Variants in CHD4 observed in about 807,000 individuals in gnomAD.
CHD4 encodes ATP-dependent chromatin remodeler CHD4.
Under a neutral mutation model 235.5 loss-of-function variants are expected in CHD4, and 35 were observed. The ratio of observed to expected loss-of-function variants is 0.15; its 90% CI spans 0.11 to 0.20. The LOEUF is 0.20. CHD4 is among the 10% of genes least tolerant of loss of function. The pLI, the probability that CHD4 is intolerant of heterozygous loss-of-function variation, is 1.00. For synonymous variants in CHD4, 900 were observed against 850.2 expected (o/e 1.06, Z -1.02); for missense variants, 1,329 against 2,432.3 (o/e 0.55, Z 9.54).
chr12:6,578,835 C>T lies in CHD4; in HGVS notation c.4981+11G>A. On this transcript the variant is annotated intron_variant, in intron 34 of 39. Coordinates refer to ENST00000544040, the MANE Select transcript of CHD4 (RefSeq NM_001273.5). ...TCTTCTGAACCACAATCAACTTCTC[C>T]AAACACCCACCTTTGTCTTCTACCA... The T allele has an allele frequency of 6.2e-7, 1 of 1,613,858 alleles. No individual in the cohort carries two copies. Among genetic ancestry groups the T allele is most frequent in the Non-Finnish European group, 8.5e-7 (1 of 1,179,724 alleles).
Position 6,577,854 on chromosome 12 carries a change from A to G in CHD4, c.5292T>C (p.Pro1764=), listed in dbSNP as rs71584868. Residue 1764 remains proline (P), a synonymous_variant, in exon 37 of 40, where the codon CCT becomes CCC. Coordinates refer to ENST00000544040, the MANE Select transcript of CHD4 (RefSeq NM_001273.5). ...NDPRYAILNE[P]FKGEMNRGNF... ...TGCCACGGTTCATTTCACCCTTGAA[A>G]GGCTCATTGAGGATGGCATAGCGTG... 11,428 of 1,614,222 alleles carry G rather than the reference A, an allele frequency of 7.1e-3. 45 individuals are homozygous for G. The highest frequency in any genetic ancestry group is 8.4e-3 in the Non-Finnish European group (9,968 of 1,180,036).
At chr12:6,574,195 A>G (rs1372261794) in intron 37 of CHD4, among the ~76,000 whole-genome samples, 8 of 152,132 alleles carry the variant, frequency 5.3e-5, no homozygotes, top group Non-Finnish European at 1.0e-4. Flanking sequence ...TAAGTTACAG[A>G]ATGATGTTTT....
Position 6,570,620 on chromosome 12 carries a change from AAG to A in CHD4, c.*54_*55del. The A allele has an allele frequency of 6.2e-7, 1 of 1,611,216 alleles. No individual in the cohort carries two copies. The highest frequency in any genetic ancestry group is 8.5e-7 in the Non-Finnish European group (1 of 1,177,410). On this transcript the variant is annotated 3_prime_UTR_variant, in exon 40 of 40. Transcript: ENST00000544040. Reference sequence around the variant, plus strand: ...AGGCCCCCAGGGGAGAAGCTGGGACAAGAGAAAGTGAGGAAGGTCACTGCTCA... The same window carrying A: ...AGGCCCCCAGGGGAGAAGCTGGGACAAGAAAGTGAGGAAGGTCACTGCTCA...
At chr12:6,604,341 A>ATTAGCCCTAAAATGTCTCTGGC (rs1948653048) in intron 2 of CHD4, among the ~76,000 whole-genome samples, 1 of 152,054 alleles carries the variant, frequency 6.6e-6, no homozygotes, top group Non-Finnish European at 1.5e-5. Flanking sequence ...AACCCCCAAA[A>ATTAGCCCTAAAATGTCTCTGGC]TTAGCCCTAA....
rs751585626 is a variant in CHD4 at position 6,602,159 on chromosome 12, C to T, written c.239G>A (p.Arg80Gln). 154 of 1,613,802 alleles carry T rather than the reference C, an allele frequency of 9.5e-5. 2 individuals are homozygous for T. In the Admixed American group the frequency reaches 1.8e-3, roughly 19 times the overall value. ...RQKKERMLLC[R>Q]QLGDSSGEGP... ...CTCCCCAGAGCTGTCCCCCAGCTGC[C>T]GGCATAAGAGCATACGCTGGAGCAG... Residue 80 changes from arginine (R) to glutamine (Q), a missense_variant, in exon 4 of 40, where the codon CGG (arginine) becomes CAG (glutamine). Coordinates refer to ENST00000544040, the MANE Select transcript of CHD4 (RefSeq NM_001273.5).
chr12:6,591,165 ACTGAGGCAGACAAGT>A (rs916000391), intron 22 of CHD4: 7 of 228,928 alleles, frequency 3.1e-5, no homozygotes, highest in South Asian at 1.6e-4. Context: ...AGTAGCGTCT[ACTGAGGCAGACAAGT>A]CTGCTAGTAA....
chr12:6,600,186 T>G, intron 9 of CHD4, 31 bp downstream of exon 9: 1 of 1,611,160 alleles, frequency 6.2e-7, no homozygotes, highest in South Asian at 1.1e-5. Flanking sequence ...TTCTCATGGG[T>G]TCCAAGGGGC....
In CHD4 at chr12:6,598,230, C is replaced by T; in HGVS notation, c.1678G>A (p.Glu560Lys). ...MSYWHCSWVS[E>K]LQLELHCQVM... Reference sequence around the variant, plus strand: ...GACTATCCTAAACTTACCTGCAGTTCAGAAACCCAGGAGCAGTGCCAGTAA... The same window carrying T: ...GACTATCCTAAACTTACCTGCAGTTTAGAAACCCAGGAGCAGTGCCAGTAA... Residue 560 changes from glutamate to lysine, a missense_variant, in exon 11 of 40, where the codon GAA becomes AAA. Physicochemically the swap from Glu to Lys is moderately conservative, Grantham distance 56 (BLOSUM62 1). This residue lies in a region of CHD4 where 8 missense variants were observed against 41.3 expected (regional missense o/e 0.19). Transcript: ENST00000544040. The T allele has an allele frequency of 6.2e-7, 1 of 1,612,436 alleles. No homozygotes were observed. The highest frequency in any genetic ancestry group is 1.1e-5 in the South Asian group (1 of 90,934).
At chr12:6,588,550 G>C (rs1046584567) in intron 22 of CHD4, 128 bp from the exon 23 acceptor site, 2 of 996,860 alleles carry the variant, frequency 2.0e-6, no homozygotes, top group Non-Finnish European at 2.9e-6. Context: ...GGCAGAGACA[G>C]GTGGATCATT....
chr12:6,595,127 T>C (rs1366165281), intron 14 of CHD4, among the ~76,000 whole-genome samples: 2 of 152,086 alleles, frequency 1.3e-5, no homozygotes, highest in Non-Finnish European at 2.9e-5. Flanking sequence ...ATACCTCCTT[T>C]TTTTTTTTCT....
At chr12:6,588,536 G>T in intron 22 of CHD4, 114 bp from the exon 23 acceptor site, 1 of 1,159,786 alleles carries the variant, frequency 8.6e-7, no homozygotes, top group African/African-American at 1.6e-5. Context: ...TCAGCACTTT[G>T]GGAGGCAGAG....
intron 15 of CHD4, among the ~76,000 whole-genome samples, chr12:6,594,204 T>C (rs1450986101): frequency 6.6e-6 from 1 of 152,160 alleles, no homozygotes; most frequent in Non-Finnish European, 1.5e-5. Context: ...CTAGAACTGA[T>C]ACTCTATGGA....
chr12:6,583,425 C>T, intron 25 of CHD4, 47 bp from the exon 26 acceptor site: 3 of 1,514,050 alleles, frequency 2.0e-6, no homozygotes, highest in Non-Finnish European at 2.7e-6. Context: ...AAGTCAGCAC[C>T]ACCAGCTACC....
intron 37 of CHD4, 189 bp from the exon 38 acceptor site, chr12:6,573,458 A>G (rs1473481663): frequency 2.5e-6 from 1 of 402,124 alleles, no homozygotes; most frequent in Non-Finnish European, 4.3e-6. Context: ...CCCTTTTTCA[A>G]TGTCCTCATT....
intron 37 of CHD4, among the ~76,000 whole-genome samples, chr12:6,577,403 CAG>C (rs982837505): frequency 6.3e-5 from 8 of 126,744 alleles, no homozygotes; most frequent in Admixed American, 2.0e-4. Context: ...GCCTGGGCGA[CAG>C]AGATTCTGCC....
chr12:6,577,797 A>G lies in CHD4; in HGVS notation c.5349T>C (p.Ala1783=). 1 of 1,614,176 alleles carries G rather than the reference A, an allele frequency of 6.2e-7. No homozygotes were observed. Among genetic ancestry groups the G allele is most frequent in the Non-Finnish European group, 8.5e-7 (1 of 1,180,040 alleles). ...NFLEIKNKFL[A]RRFKLLEQAL... is the part of the protein sequence containing the mutation. ...CCCAACCGCTCACCTTAAACCTTCG[A>G]GCTAGAAATTTATTCTTGATCTCTA... Residue 1783 remains alanine, a synonymous_variant, in exon 37 of 40, where the codon GCT becomes GCC. Coordinates refer to ENST00000544040, the MANE Select transcript of CHD4 (RefSeq NM_001273.5).
In CHD4 at chr12:6,570,617, G is replaced by A; in HGVS notation, c.*59C>T. Reference sequence around the variant, plus strand: ...CTCAGGCCCCCAGGGGAGAAGCTGGGACAAGAGAAAGTGAGGAAGGTCACT... The same window carrying A: ...CTCAGGCCCCCAGGGGAGAAGCTGGAACAAGAGAAAGTGAGGAAGGTCACT... On this transcript the variant is annotated 3_prime_UTR_variant, in exon 40 of 40. Coordinates refer to ENST00000544040, the MANE Select transcript of CHD4 (RefSeq NM_001273.5). 6.2e-7 allele frequency: 1 copy of A among 1,610,038 alleles called. No individual in the cohort carries two copies. Among genetic ancestry groups the A allele is most frequent in the Non-Finnish European group, 8.5e-7 (1 of 1,176,432 alleles).
At chr12:6,595,522 A>AAAAT in intron 13 of CHD4, 92 bp from the exon 14 acceptor site, 1 of 1,117,608 alleles carries the variant, frequency 8.9e-7, no homozygotes, top group Non-Finnish European at 1.3e-6. Flanking sequence ...CTGTAATCCC[A>AAAAT]GCATTTTGGG....
chr12:6,582,475 CAT>C, intron 29 of CHD4, 138 bp downstream of exon 29: 1 of 1,358,716 alleles, frequency 7.4e-7, no homozygotes, highest in Non-Finnish European at 1.0e-6. Context: ...GCTAGGAACA[CAT>C]TACTAACAGC....
Sources: allele counts gnomAD v4.1 joint callset (sites outside exome capture counted in the v4.1 genomes callset), GRCh38; gene constraint gnomAD v4.1.1; regional missense constraint gnomAD v4.1.1; transcripts MANE v1.5; gene names NCBI Gene and HGNC (gene_info 2026-07-23, HGNC 2026-07-21).